Variants in DGKB observed in about 807,000 individuals in gnomAD.
DGKB encodes diacylglycerol kinase beta, also known as 90 kDa diacylglycerol kinase.
DGKB carries 67 observed loss-of-function variants against 114.3 expected under a neutral mutation model. The observed-to-expected ratio is 0.59, with a 90% CI of 0.48 to 0.72. The LOEUF is 0.72. DGKB is among the 30% of genes least tolerant of loss of function. The pLI is 0.00. For synonymous variants in DGKB, 398 were observed against 323.1 expected (o/e 1.23, Z -2.49); for missense variants, 907 against 975.2 (o/e 0.93, Z 0.93).
chr7:14,682,507 T>C (rs1309105162), intron 12 of DGKB, 46 bp downstream of exon 12: 1 of 1,300,024 alleles, frequency 7.7e-7, no homozygotes. Flanking sequence ...TATACACGTC[T>C]TCAGTGTGGG....
intron 4 of DGKB, among the ~76,000 whole-genome samples, 154 bp downstream of exon 4, chr7:14,753,774 T>G (rs1723225): frequency 6.6e-6 from 1 of 151,872 alleles, no homozygotes; most frequent in Non-Finnish European, 1.5e-5. Flanking sequence ...ACATCCAGCT[T>G]AGTTATAACC....
At chr7:14,808,401 A>C (rs992085823) in intron 2 of DGKB, among the ~76,000 whole-genome samples, 5 of 152,080 alleles carry the variant, frequency 3.3e-5, no homozygotes, top group African/African-American at 7.2e-5. Context: ...AACTATTCAA[A>C]AATCACACAT....
chr7:14,161,833 CTT>C (rs1177220606), intron 25 of DGKB, among the ~76,000 whole-genome samples: 1 of 151,946 alleles, frequency 6.6e-6, no homozygotes, highest in Non-Finnish European at 1.5e-5. Context: ...AAAAAAAAGT[CTT>C]TGAGTTTTTT....
At chr7:14,908,039 T>C (rs1487179112), upstream of DGKB, among the ~76,000 whole-genome samples, 2 of 152,236 alleles carry the variant, frequency 1.3e-5, no homozygotes, top group Non-Finnish European at 2.9e-5. Flanking sequence ...GACTGTAATA[T>C]AGCCCAGCCA....
chr7:14,681,148 T>C lies in DGKB; in HGVS notation c.1035+1405A>G, dbSNP rs571522648. 3.3e-5 allele frequency among the ~76,000 whole-genome samples: 5 copies of C among 152,094 alleles called. No homozygotes were observed. The East Asian group carries it at 7.7e-4, about 24-fold the overall frequency. On this transcript the variant is annotated intron_variant, in intron 12 of 25. Coordinates refer to ENST00000402815, the MANE Select transcript of DGKB (RefSeq NM_001350709.2). ...TGGTTTTTAAAAATCTACATGAATG[T>C]TTTTAAAAATGAAGTAGTTATGATC...
intron 13 of DGKB, among the ~76,000 whole-genome samples, chr7:14,637,364 T>C (rs1262975681): frequency 6.6e-6 from 1 of 151,904 alleles, no homozygotes; most frequent in Non-Finnish European, 1.5e-5. Context: ...CTTTTATAAG[T>C]AGACATGCAC....
intron 20 of DGKB, among the ~76,000 whole-genome samples, chr7:14,485,627 G>A (rs899399978): frequency 2.6e-5 from 4 of 151,928 alleles, no homozygotes; most frequent in Non-Finnish European, 5.9e-5. Context: ...GGCCGGGTGC[G>A]GTGGCTCACG....
intron 1 of DGKB, among the ~76,000 whole-genome samples, chr7:14,943,965 C>T (rs529493044): frequency 6.6e-6 from 1 of 152,026 alleles, no homozygotes; most frequent in South Asian, 2.1e-4. Flanking sequence ...GGCTATTTCT[C>T]ACCCTCTTGA....
chr7:14,447,254 C>CT (rs1217713640), intron 21 of DGKB, among the ~76,000 whole-genome samples: 2 of 152,076 alleles, frequency 1.3e-5, no homozygotes, highest in Non-Finnish European at 2.9e-5. Flanking sequence ...TGGCAGCCCT[C>CT]TTTTGGGGCC....
intron 21 of DGKB, among the ~76,000 whole-genome samples, chr7:14,462,421 A>G (rs1833219577): frequency 2.0e-5 from 3 of 152,202 alleles, no homozygotes. Flanking sequence ...GGAGAAAAAA[A>G]TCAATGTGCA....
At chr7:14,193,494 AT>A (rs1168034293) in intron 23 of DGKB, among the ~76,000 whole-genome samples, 1 of 152,176 alleles carries the variant, frequency 6.6e-6, no homozygotes, top group East Asian at 1.9e-4. Context: ...CAATAATCAC[AT>A]GCAAAAGAAT....
chr7:14,562,239 G>C (rs573755347), intron 20 of DGKB, among the ~76,000 whole-genome samples: 5 of 152,210 alleles, frequency 3.3e-5, no homozygotes, highest in Non-Finnish European at 7.3e-5. Context: ...GATTTCAGAG[G>C]ATGTATGGAA....
At chr7:14,936,105 G>A (rs895943567) in intron 1 of DGKB, among the ~76,000 whole-genome samples, 14 of 152,224 alleles carry the variant, frequency 9.2e-5, no homozygotes, top group African/African-American at 2.9e-4. Flanking sequence ...GCAATAAGGA[G>A]CCTCTGTAGG....
At chr7:14,848,265 A>G (rs1208537107) in intron 1 of DGKB, among the ~76,000 whole-genome samples, 1 of 152,204 alleles carries the variant, frequency 6.6e-6, no homozygotes, top group Non-Finnish European at 1.5e-5. Context: ...AATGAATAGG[A>G]TAAGTTCTGT....
chr7:14,886,134 G>A (rs901209859), intron 1 of DGKB, among the ~76,000 whole-genome samples: 1 of 151,852 alleles, frequency 6.6e-6, no homozygotes, highest in Non-Finnish European at 1.5e-5. Flanking sequence ...GTTTGTAATT[G>A]TCTAGTACGG....
chr7:14,964,014 G>A (rs1787012388), intron 1 of DGKB, among the ~76,000 whole-genome samples: 2 of 152,194 alleles, frequency 1.3e-5, no homozygotes, highest in African/African-American at 4.8e-5. Flanking sequence ...AAAATTTGCA[G>A]TGGGAAAATT....
chr7:14,630,320 A>G, intron 13 of DGKB, 52 bp from the exon 14 acceptor site: 1 of 1,429,950 alleles, frequency 7.0e-7, no homozygotes, highest in East Asian at 2.5e-5. Flanking sequence ...CAAACTCAAA[A>G]CAAATCAGTG....
chr7:14,961,601 C>T (rs1786846079), intron 1 of DGKB, among the ~76,000 whole-genome samples: 1 of 152,142 alleles, frequency 6.6e-6, no homozygotes, highest in East Asian at 1.9e-4. Flanking sequence ...AGCTTTTGAG[C>T]TGGGGTCACT....
intron 23 of DGKB, among the ~76,000 whole-genome samples, chr7:14,217,475 G>T (rs1453958754): frequency 6.6e-6 from 1 of 151,810 alleles, no homozygotes; most frequent in Non-Finnish European, 1.5e-5. Flanking sequence ...AATCATTCTT[G>T]GTTGTTTATC....
Sources: allele counts gnomAD v4.1 joint callset (sites outside exome capture counted in the v4.1 genomes callset), GRCh38; gene constraint gnomAD v4.1.1; transcripts MANE v1.5; gene names NCBI Gene and HGNC (gene_info 2026-07-23, HGNC 2026-07-21).